Variants in RGS7 observed in about 807,000 individuals in gnomAD.
The protein encoded by RGS7 is regulator of G-protein signaling 7.
A neutral mutation model predicts 81.1 loss-of-function variants in RGS7; 27 were observed. That is an observed-to-expected ratio of 0.33 (90% confidence interval 0.25 to 0.46). The LOEUF (loss-of-function observed/expected upper bound fraction) is 0.46, where lower values mean the gene tolerates loss of function less well. Ranked by LOEUF, RGS7 falls within the 20% of genes least tolerant of loss-of-function variation. RGS7 has a pLI of 1.00. For synonymous variants in RGS7, 208 were observed against 207.7 expected (o/e 1.00, Z -0.01); for missense variants, 396 against 607.4 (o/e 0.65, Z 3.66).
intron 2 of RGS7, among the ~76,000 whole-genome samples, chr1:241,120,872 G>GTGGAGGATAGAGGGTTTAGAA (rs1317121971): frequency 2.7e-4 from 41 of 152,302 alleles, no homozygotes; most frequent in Non-Finnish European, 4.0e-4. Context: ...AGGGTTTAGA[G>GTGGAGGATAGAGGGTTTAGAA]TGGAGGTGCA....
intron 9 of RGS7, among the ~76,000 whole-genome samples, chr1:240,853,728 C>A (rs546223045): frequency 6.6e-6 from 1 of 151,752 alleles, no homozygotes; most frequent in East Asian, 1.9e-4. Flanking sequence ...CGGTGAAACC[C>A]CGTCTCTACT....
intron 9 of RGS7, among the ~76,000 whole-genome samples, chr1:240,840,034 C>G (rs577819757): frequency 6.6e-6 from 1 of 152,240 alleles, no homozygotes; most frequent in East Asian, 1.9e-4. Context: ...CTGTTACCAC[C>G]CTGCTCCAAG....
intron 3 of RGS7, among the ~76,000 whole-genome samples, chr1:241,042,356 T>A (rs1316695313): frequency 2.0e-5 from 3 of 152,204 alleles, no homozygotes; most frequent in African/African-American, 7.2e-5. Flanking sequence ...AAGGTCAATC[T>A]TTCTGGGTAT....
intron 2 of RGS7, among the ~76,000 whole-genome samples, chr1:241,203,173 T>TTCCAC (rs1223930429): frequency 1.3e-5 from 2 of 152,098 alleles, no homozygotes; most frequent in African/African-American, 4.8e-5. Context: ...ACTACCTTCC[T>TTCCAC]TCCACTCGAT....
intron 3 of RGS7, among the ~76,000 whole-genome samples, chr1:240,991,233 A>G (rs1356279655): frequency 2.6e-5 from 4 of 152,208 alleles, no homozygotes; most frequent in Admixed American, 2.0e-4. Flanking sequence ...TTTGTTGTGT[A>G]AGTTCCAGAA....
intron 2 of RGS7, among the ~76,000 whole-genome samples, chr1:241,159,781 G>A (rs1255028838): frequency 6.6e-6 from 1 of 152,036 alleles, no homozygotes; most frequent in Non-Finnish European, 1.5e-5. Context: ...CCAGGTGGAT[G>A]AGGGATGGGA....
chr1:241,117,465 G>A (rs76329429), intron 2 of RGS7, among the ~76,000 whole-genome samples: 1,919 of 152,288 alleles, frequency 0.013, 25 homozygotes, highest in South Asian at 0.052. Context: ...TAGAAGTGCT[G>A]AATGCCTGTT....
rs180828092 is a variant in RGS7 at position 240,983,573 on chromosome 1, T to C, written c.176-444A>G. 5.9e-5 allele frequency among the ~76,000 whole-genome samples: 9 copies of C among 152,290 alleles called. No individual in the cohort carries two copies. In the East Asian group the frequency reaches 1.5e-3, roughly 26 times the overall value. On this transcript the variant is annotated intron_variant, in intron 3 of 18. Coordinates refer to ENST00000440928, the MANE Select transcript of RGS7 (RefSeq NM_001364886.1). ...TTTGTTTTTGGTTTTCGAACCCTCT[T>C]ACGTATTTCAAGTCTCTGTGTCTCC...
chr1:240,989,759 G>A (rs1222744188), intron 3 of RGS7, among the ~76,000 whole-genome samples: 1 of 152,050 alleles, frequency 6.6e-6, no homozygotes, highest in Non-Finnish European at 1.5e-5. Flanking sequence ...CAAAATTTAA[G>A]TTACTTCATC....
At chr1:240,981,451 T>C (rs1684907073) in intron 4 of RGS7, among the ~76,000 whole-genome samples, 1 of 152,116 alleles carries the variant, frequency 6.6e-6, no homozygotes, top group African/African-American at 2.4e-5. Context: ...TAAATCTACT[T>C]CACCTCTGAT....
chr1:240,963,129 G>C (rs1334075852), intron 4 of RGS7, among the ~76,000 whole-genome samples: 1 of 152,178 alleles, frequency 6.6e-6, no homozygotes, highest in East Asian at 1.9e-4. Context: ...TTGATGGTTG[G>C]AATGAGGAGT....
At chr1:241,166,517 C>T (rs2070261463) in intron 2 of RGS7, among the ~76,000 whole-genome samples, 1 of 152,146 alleles carries the variant, frequency 6.6e-6, no homozygotes, top group South Asian at 2.1e-4. Context: ...TGTAGCTGAC[C>T]AAGGCTGAGA....
At chr1:240,964,013 A>C (rs1370947168) in intron 4 of RGS7, among the ~76,000 whole-genome samples, 1 of 152,180 alleles carries the variant, frequency 6.6e-6, no homozygotes, top group East Asian at 1.9e-4. Flanking sequence ...CCCTGTCTCA[A>C]AATGAAAATA....
intron 3 of RGS7, among the ~76,000 whole-genome samples, chr1:241,027,531 G>T (rs2059854886): frequency 6.6e-6 from 1 of 152,094 alleles, no homozygotes; most frequent in Admixed American, 6.6e-5. Context: ...CAGGGTGCGT[G>T]GTATATGTAC....
chr1:241,288,012 G>A (rs1433889017), intron 2 of RGS7, among the ~76,000 whole-genome samples: 1 of 152,150 alleles, frequency 6.6e-6, no homozygotes, highest in Non-Finnish European at 1.5e-5. Context: ...GGACTAACTG[G>A]GGATCAGACA....
At chr1:241,204,973 AC>A (rs1232106899) in intron 2 of RGS7, among the ~76,000 whole-genome samples, 1 of 152,172 alleles carries the variant, frequency 6.6e-6, no homozygotes, top group East Asian at 1.9e-4. Flanking sequence ...ACACAGTTAC[AC>A]AAAAGTAAAT....
Position 241,035,397 on chromosome 1 carries a change from A to T in RGS7, c.176-52268T>A, listed in dbSNP as rs112360955. The stretch of plus-strand genomic sequence containing the variant: ...ATAGTACTCTGAGATAATTTCAAGG[A>T]AACATCTATAGGAATTCGGAGAAGG... On this transcript the variant is annotated intron_variant, in intron 3 of 18. Transcript: ENST00000440928. 6.0e-4 allele frequency among the ~76,000 whole-genome samples: 92 copies of T among 152,292 alleles called. 1 individual carries two copies. Among genetic ancestry groups the T allele is most frequent in the African/African-American group, 2.2e-3 (91 of 41,572 alleles).
In RGS7 at chr1:240,912,737, A is replaced by T. The variant is rs558372168; in HGVS notation, c.385+17980T>A. Among the ~76,000 whole-genome samples, 10 of 151,934 alleles carry T rather than the reference A, an allele frequency of 6.6e-5. 1 individual carries two copies. The South Asian group carries it at 2.1e-3, about 32-fold the overall frequency. On this transcript the variant is annotated intron_variant, in intron 6 of 18. Coordinates refer to ENST00000440928, the MANE Select transcript of RGS7 (RefSeq NM_001364886.1). ...TCCCAACACAAACACATAATTTTTA[A>T]TATATAAATAAATATATATATTTAC...
At chr1:241,096,242 G>C (rs1044426326) in intron 3 of RGS7, among the ~76,000 whole-genome samples, 3 of 152,146 alleles carry the variant, frequency 2.0e-5, no homozygotes, top group Admixed American at 2.0e-4. Flanking sequence ...GCAGTCCGTT[G>C]CGAGTTGGGC....
Sources: allele counts gnomAD v4.1 joint callset (sites outside exome capture counted in the v4.1 genomes callset), GRCh38; gene constraint gnomAD v4.1.1; transcripts MANE v1.5; gene names NCBI Gene and HGNC (gene_info 2026-07-23, HGNC 2026-07-21).